SCN8A: variants seen among roughly 807,000 people sequenced by gnomAD.
SCN8A encodes the protein sodium channel protein type 8 subunit alpha.
Under a neutral mutation model 184.1 loss-of-function variants are expected in SCN8A, and 30 were observed. The observed-to-expected ratio is 0.16, with a 90% confidence interval of 0.12 to 0.22. The LOEUF is 0.22. Ranked by LOEUF, SCN8A falls within the 10% of genes least tolerant of loss-of-function variation. SCN8A has a pLI of 1.00. For synonymous variants in SCN8A, 852 were observed against 907.0 expected, an observed-to-expected ratio of 0.94 and a Z score of 1.09; for missense variants, 1,057 against 2,498.9, an observed-to-expected ratio of 0.42 and a Z score of 12.30.
Position 51,699,478 on chromosome 12 carries a change from G to A in SCN8A, c.707-92G>A. The A allele has an allele frequency of 2.4e-6, 2 of 827,934 alleles. 1 individual carries two copies. Among genetic ancestry groups the A allele is most frequent in the South Asian group, 3.7e-5 (2 of 54,456 alleles). 51.3% of individuals were successfully genotyped at this position (827,934 alleles called of 1,614,324 possible). ...GCCATATTTCAAGAGTGGTGCTGTG[G>A]GGAGGAGTAGCAGCCAGTGGCTAAG... On this transcript the variant is annotated intron_variant, in intron 6 of 26. Coordinates refer to ENST00000627620, the MANE Select transcript of SCN8A (RefSeq NM_001330260.2).
chr12:51,604,054 A>G (rs986261581), intron 1 of SCN8A, among the ~76,000 whole-genome samples: 3 of 152,116 alleles, frequency 2.0e-5, no homozygotes, highest in Non-Finnish European at 4.4e-5. Context: ...TATAGAGCTA[A>G]AGTTTTAAAT....
chr12:51,708,683 C>A (rs895833781), intron 11 of SCN8A, among the ~76,000 whole-genome samples: 4 of 152,286 alleles, frequency 2.6e-5, no homozygotes, highest in African/African-American at 9.6e-5. Flanking sequence ...CATTCCTTAA[C>A]CTTATCTTAG....
chr12:51,665,078 A>G (rs1012259652), intron 2 of SCN8A, among the ~76,000 whole-genome samples: 30 of 152,206 alleles, frequency 2.0e-4, no homozygotes, highest in Non-Finnish European at 2.1e-4. Flanking sequence ...CTAATTTCTC[A>G]TTTTCTTAAA....
chr12:51,771,099 C>G (rs1942918911), intron 19 of SCN8A, among the ~76,000 whole-genome samples: 1 of 152,212 alleles, frequency 6.6e-6, no homozygotes, highest in Non-Finnish European at 1.5e-5. Flanking sequence ...TGTTTAGAGT[C>G]AGATCTCTGG....
At chr12:51,680,401 C>T (rs72644894) in intron 2 of SCN8A, among the ~76,000 whole-genome samples, 8,887 of 152,272 alleles carry the variant, frequency 0.058, 379 homozygotes, top group East Asian at 0.13. Context: ...CAGTCTCCCA[C>T]TTGACAGCTC....
chr12:51,770,701 G>A lies in SCN8A; in HGVS notation c.3645+18G>A, dbSNP rs375807594. ...GCGCCCTGGTGAGGTCCAGGGGAGAGTGTGAGGAGGGATTGGCTGGGGAAG... is the reference window on the plus strand; with the variant it reads ...GCGCCCTGGTGAGGTCCAGGGGAGAATGTGAGGAGGGATTGGCTGGGGAAG... On this transcript the variant is annotated intron_variant, in intron 19 of 26. Transcript: ENST00000627620. 32 of 1,611,604 alleles carry A rather than the reference G, an allele frequency of 2.0e-5. 1 individual carries two copies. In the African/African-American group the frequency reaches 2.8e-4, roughly 14 times the overall value.
chr12:51,714,938 C>T (rs1188705614), intron 11 of SCN8A, among the ~76,000 whole-genome samples: 1 of 152,170 alleles, frequency 6.6e-6, no homozygotes, highest in Non-Finnish European at 1.5e-5. Context: ...GGGAGTAAGG[C>T]CTACTCATCT....
At chr12:51,703,807 G>C (rs1354873808) in intron 9 of SCN8A, among the ~76,000 whole-genome samples, 1 of 152,214 alleles carries the variant, frequency 6.6e-6, no homozygotes, top group African/African-American at 2.4e-5. Flanking sequence ...GAAGTTTCTA[G>C]TTCAAATATC....
intron 1 of SCN8A, among the ~76,000 whole-genome samples, chr12:51,662,195 G>T (rs1940938196): frequency 6.6e-6 from 1 of 152,242 alleles, no homozygotes; most frequent in South Asian, 2.1e-4. Flanking sequence ...TACACAACTT[G>T]ATGATTGAAA....
chr12:51,632,980 C>G (rs890416250), intron 1 of SCN8A, among the ~76,000 whole-genome samples: 1 of 152,108 alleles, frequency 6.6e-6, no homozygotes, highest in African/African-American at 2.4e-5. Context: ...TATTTCTGAT[C>G]TATACAATAA....
intron 12 of SCN8A, among the ~76,000 whole-genome samples, chr12:51,738,116 T>C (rs964171649): frequency 6.6e-6 from 1 of 152,190 alleles, no homozygotes; most frequent in Non-Finnish European, 1.5e-5. Flanking sequence ...GAACTTTGTT[T>C]TTCCACTTTA....
chr12:51,666,116 T>C (rs1298128563), intron 2 of SCN8A, among the ~76,000 whole-genome samples: 1 of 152,156 alleles, frequency 6.6e-6, no homozygotes, highest in African/African-American at 2.4e-5. Flanking sequence ...CAGTTATTTA[T>C]ATACTGGATT....
chr12:51,698,505 C>T (rs570879146), intron 6 of SCN8A, among the ~76,000 whole-genome samples: 33 of 152,176 alleles, frequency 2.2e-4, no homozygotes, highest in Admixed American at 5.2e-4. Context: ...CTTTGTTGGC[C>T]GTATCCTATG....
intron 19 of SCN8A, among the ~76,000 whole-genome samples, 186 bp from the exon 20 acceptor site, chr12:51,774,003 G>A (rs1385742860): frequency 6.6e-6 from 1 of 152,198 alleles, no homozygotes; most frequent in Non-Finnish European, 1.5e-5. Flanking sequence ...ATTTTATGAT[G>A]TGTGGATTGT....
chr12:51,700,348 T>G (rs913153070), intron 7 of SCN8A, among the ~76,000 whole-genome samples: 1 of 152,162 alleles, frequency 6.6e-6, no homozygotes, highest in Non-Finnish European at 1.5e-5. Flanking sequence ...GCTTTGAAAT[T>G]CAGGCTTAGA....
At chr12:51,680,206 GAT>G in intron 2 of SCN8A, among the ~76,000 whole-genome samples, 2 of 152,252 alleles carry the variant, frequency 1.3e-5, no homozygotes, top group South Asian at 4.1e-4. Context: ...ACTTGATGAA[GAT>G]ATAAGATGTA....
intron 11 of SCN8A, chr12:51,712,570 A>G (rs899683575): frequency 3.9e-6 from 3 of 777,974 alleles, no homozygotes; most frequent in African/African-American, 1.7e-5. Context: ...TCATGGGTCC[A>G]TAATTTGATT....
intron 12 of SCN8A, among the ~76,000 whole-genome samples, chr12:51,729,417 C>T (rs1362925535): frequency 1.3e-5 from 2 of 151,902 alleles, no homozygotes; most frequent in African/African-American, 2.4e-5. Context: ...TGTGTAGACT[C>T]ATACAATATG....
At chr12:51,772,967 A>G (rs1942951824) in intron 19 of SCN8A, among the ~76,000 whole-genome samples, 1 of 152,162 alleles carries the variant, frequency 6.6e-6, no homozygotes, top group Non-Finnish European at 1.5e-5. Context: ...ATACAAAAAA[A>G]TTAGCCGGGT....
Sources: allele counts gnomAD v4.1 joint callset (sites outside exome capture counted in the v4.1 genomes callset), GRCh38; gene constraint gnomAD v4.1.1; transcripts MANE v1.5; gene names NCBI Gene and HGNC (gene_info 2026-07-23, HGNC 2026-07-21).